PRKAA2: variants seen among roughly 807,000 people sequenced by gnomAD.
PRKAA2 encodes protein kinase AMP-activated catalytic subunit alpha 2.
A neutral mutation model predicts 56.3 loss-of-function variants in PRKAA2; 40 were observed. The ratio of observed to expected loss-of-function variants is 0.71; its 90% CI spans 0.55 to 0.92. The LOEUF is 0.92. Ranked by LOEUF, PRKAA2 falls within the 40% of genes least tolerant of loss-of-function variation. PRKAA2 has a pLI of 0.00. For missense variants in PRKAA2, 542 were observed against 686.9 expected, an observed-to-expected ratio of 0.79 and a Z score of 2.36; for synonymous variants, 214 against 234.2, an observed-to-expected ratio of 0.91 and a Z score of 0.79.
intron 1 of PRKAA2, among the ~76,000 whole-genome samples, chr1:56,652,359 G>T (rs1423246104): frequency 6.6e-6 from 1 of 152,222 alleles, no homozygotes; most frequent in East Asian, 1.9e-4. Flanking sequence ...GTTTCACCGT[G>T]TTAGCCAGGA....
At chr1:56,684,721 C>A (rs1223115145) in intron 2 of PRKAA2, among the ~76,000 whole-genome samples, 1 of 151,912 alleles carries the variant, frequency 6.6e-6, no homozygotes, top group Non-Finnish European at 1.5e-5. Context: ...TGAAAAGAAC[C>A]AATTTATTGG....
At chr1:56,655,906 C>T (rs551780638) in intron 1 of PRKAA2, among the ~76,000 whole-genome samples, 103 of 152,218 alleles carry the variant, frequency 6.8e-4, no homozygotes, top group African/African-American at 2.4e-3. Context: ...GTCAGAGCCT[C>T]TACAGATTTT....
At chr1:56,679,487 A>T (rs144688977) in intron 2 of PRKAA2, among the ~76,000 whole-genome samples, 1 of 152,264 alleles carries the variant, frequency 6.6e-6, no homozygotes, top group Non-Finnish European at 1.5e-5. Flanking sequence ...CCATTCATGC[A>T]GTTTCCCAAG....
chr1:56,690,647 C>A (rs2100422754), intron 2 of PRKAA2, among the ~76,000 whole-genome samples: 1 of 152,190 alleles, frequency 6.6e-6, no homozygotes, highest in South Asian at 2.1e-4. Context: ...ATAGTTTATC[C>A]TTTCCCTTTT....
chr1:56,648,697 GA>G (rs1220592718), intron 1 of PRKAA2, among the ~76,000 whole-genome samples: 1 of 152,146 alleles, frequency 6.6e-6, no homozygotes, highest in Non-Finnish European at 1.5e-5. Context: ...TCCCTTTTCT[GA>G]GTATCTTTGC....
At chr1:56,677,433 G>T (rs1644120996) in intron 2 of PRKAA2, among the ~76,000 whole-genome samples, 1 of 152,156 alleles carries the variant, frequency 6.6e-6, no homozygotes, top group African/African-American at 2.4e-5. Flanking sequence ...AGTGTCATAT[G>T]CTAGAATGAA....
chr1:56,699,240 C>T (rs1644278363), intron 6 of PRKAA2, among the ~76,000 whole-genome samples: 1 of 152,104 alleles, frequency 6.6e-6, no homozygotes, highest in South Asian at 2.1e-4. Flanking sequence ...CTTTTAGCTG[C>T]ACTTAAAGAA....
At position 56,707,600 on chromosome 1, in the gene PRKAA2, C is replaced by G. The variant is rs766867800; in HGVS notation, c.1546C>G (p.Leu516Val). 1 of 1,614,094 alleles carries G rather than the reference C, an allele frequency of 6.2e-7. No homozygotes were observed. The highest frequency in any genetic ancestry group is 8.5e-7 in the Non-Finnish European group (1 of 1,179,998). ...AGAGAGCCATTCACTTTCTGGCTCT[C>G]TCACTGGCTCTTTGACCGGAAGCAC... ...TAESHSLSGS[L>V]TGSLTGSTLS... Residue 516 changes from leucine to valine, a missense_variant, in exon 9 of 9, where the codon CTC becomes GTC. Physicochemically the swap from Leu to Val is conservative, Grantham distance 32. Around this residue, in one of 5 missense-constraint regions of PRKAA2, gnomAD observed 158 missense variants for 166.1 expected, o/e 0.95. Coordinates refer to ENST00000371244, the MANE Select transcript of PRKAA2 (RefSeq NM_006252.4).
chr1:56,685,981 A>G (rs1372223691), intron 2 of PRKAA2, among the ~76,000 whole-genome samples: 4 of 152,206 alleles, frequency 2.6e-5, no homozygotes, highest in Non-Finnish European at 4.4e-5. Context: ...ATATATTTTT[A>G]AGTTATCCTT....
chr1:56,653,946 T>C (rs924138995), intron 1 of PRKAA2, among the ~76,000 whole-genome samples: 5 of 151,966 alleles, frequency 3.3e-5, no homozygotes, highest in African/African-American at 1.2e-4. Flanking sequence ...TCATAGAAAC[T>C]CTTGGAGGAA....
rs1204521660 is a variant in PRKAA2 at position 56,713,676 on chromosome 1, A to G, written c.*5963A>G. The G allele has an allele frequency of 2.6e-5, 4 of 152,058 alleles. No individual in the cohort carries two copies. Among genetic ancestry groups the G allele is most frequent in the African/African-American group, 7.2e-5 (3 of 41,420 alleles). The allele number at this position is 152,058 out of a possible 1,614,324, so 9.4% of individuals were successfully genotyped here. A position where few individuals can be genotyped will look rare whatever the true frequency, so the allele number is the denominator to read the frequency against. ...GGTTGCTACGTTGTGTTGATTTAAA[A>G]TTTCAAGGAGGAACAAAAACATTCT... On this transcript the variant is annotated 3_prime_UTR_variant, in exon 9 of 9. Transcript: ENST00000371244.
At chr1:56,662,454 A>C (rs1644002584) in intron 1 of PRKAA2, among the ~76,000 whole-genome samples, 1 of 152,138 alleles carries the variant, frequency 6.6e-6, no homozygotes, top group Admixed American at 6.6e-5. Context: ...TGATTTAAAA[A>C]AAAAATTAAA....
At chr1:56,669,007 G>A (rs150499466) in intron 1 of PRKAA2, among the ~76,000 whole-genome samples, 1 of 152,246 alleles carries the variant, frequency 6.6e-6, no homozygotes, top group Admixed American at 6.5e-5. Context: ...CCTTCAATGT[G>A]GAATGATCCT....
chr1:56,680,510 C>T (rs1416783613), intron 2 of PRKAA2, among the ~76,000 whole-genome samples: 1 of 152,140 alleles, frequency 6.6e-6, no homozygotes, highest in African/African-American at 2.4e-5. Context: ...CCTCCCCTCT[C>T]CTGCCACCCC....
chr1:56,687,858 G>A (rs1278587253), intron 2 of PRKAA2, among the ~76,000 whole-genome samples: 2 of 152,010 alleles, frequency 1.3e-5, no homozygotes, highest in African/African-American at 4.8e-5. Flanking sequence ...ACTATTTTAT[G>A]TGGCTATTTC....
intron 2 of PRKAA2, among the ~76,000 whole-genome samples, chr1:56,682,917 T>C (rs186707433): frequency 4.9e-4 from 74 of 152,262 alleles, no homozygotes; most frequent in African/African-American, 1.8e-3. Context: ...GACCACTGTG[T>C]TGGACAGAGC....
At chr1:56,672,182 A>G (rs1252801289) in intron 1 of PRKAA2, among the ~76,000 whole-genome samples, 2 of 152,126 alleles carry the variant, frequency 1.3e-5, no homozygotes, top group Non-Finnish European at 2.9e-5. Flanking sequence ...CAGTGGCACC[A>G]TCTTGGGTTA....
In PRKAA2 at chr1:56,656,289, A is replaced by G. The variant is rs145705299; in HGVS notation, c.94+10808A>G. Reference sequence around the variant, plus strand: ...TAATACATGTATTATTGGAAGCTATATAGAAAAAGTTAATTGCAAACCTCC... The same window carrying G: ...TAATACATGTATTATTGGAAGCTATGTAGAAAAAGTTAATTGCAAACCTCC... On this transcript the variant is annotated intron_variant, in intron 1 of 8. Transcript: ENST00000371244. 8.5e-5 allele frequency among the ~76,000 whole-genome samples: 13 copies of G among 152,326 alleles called. No individual in the cohort carries two copies. The East Asian group carries it at 2.3e-3, about 27-fold the overall frequency.
chr1:56,645,366 A>G lies in PRKAA2; in HGVS notation c.-22A>G. The G allele has an allele frequency of 6.9e-7, 1 of 1,450,666 alleles. No individual in the cohort carries two copies. Among genetic ancestry groups the G allele is most frequent in the Non-Finnish European group, 9.2e-7 (1 of 1,091,004 alleles). The allele number at this position is 1,450,666 out of a possible 1,614,324, so 89.9% of individuals were successfully genotyped here. On this transcript the variant is annotated 5_prime_UTR_variant, in exon 1 of 9. Coordinates refer to ENST00000371244, the MANE Select transcript of PRKAA2 (RefSeq NM_006252.4). Reference sequence around the variant, plus strand: ...GGCTACGCGGAGCGGCAGGCGGTGGAGCGAGGCCGCGCGCGCCGAAGATGG... The same window carrying G: ...GGCTACGCGGAGCGGCAGGCGGTGGGGCGAGGCCGCGCGCGCCGAAGATGG...
Sources: gnomAD v4.1 joint callset for allele counts (sites outside exome capture counted in the v4.1 genomes callset) on GRCh38, gnomAD v4.1.1 for gene constraint, gnomAD v4.1.1 regional missense constraint, MANE v1.5 for transcripts, NCBI Gene and HGNC (gene_info 2026-07-23, HGNC 2026-07-21) for gene names.